The following PDE4B variants were observed in gnomAD, a reference collection of about 807,000 sequenced individuals.
PDE4B encodes the protein phosphodiesterase 4B, also known as 3',5'-cyclic-AMP phosphodiesterase 4B.
In PDE4B, 20 loss-of-function variants were observed where a neutral mutation model predicts 82.2. That is an observed-to-expected ratio of 0.24 (90% CI 0.17 to 0.35). PDE4B has a LOEUF of 0.35. Among genes scored for constraint, PDE4B ranks in the 10% least tolerant of loss-of-function variants. The pLI is 1.00. For synonymous variants in PDE4B, 320 were observed against 318.9 expected, an observed-to-expected ratio of 1.00 and a Z score of -0.04; for missense variants, 655 against 907.2, an observed-to-expected ratio of 0.72 and a Z score of 3.57.
intron 3 of PDE4B, among the ~76,000 whole-genome samples, chr1:65,960,707 A>G (rs757079992): frequency 3.9e-5 from 6 of 152,168 alleles, no homozygotes; most frequent in Admixed American, 2.0e-4. Flanking sequence ...CGTTGTGTCA[A>G]GGGCACCAGT....
chr1:66,316,064 C>T (rs964677062), intron 7 of PDE4B, among the ~76,000 whole-genome samples: 1 of 152,208 alleles, frequency 6.6e-6, no homozygotes, highest in African/African-American at 2.4e-5. Flanking sequence ...CAAACTACAA[C>T]TATTTGAAAT....
chr1:66,120,163 C>T (rs1333845379), intron 3 of PDE4B, among the ~76,000 whole-genome samples: 1 of 152,172 alleles, frequency 6.6e-6, no homozygotes, highest in Non-Finnish European at 1.5e-5. Context: ...CTCCAAATGT[C>T]AGCTCCTTGT....
At chr1:66,079,678 T>G (rs1484271917) in intron 3 of PDE4B, among the ~76,000 whole-genome samples, 1 of 152,160 alleles carries the variant, frequency 6.6e-6, no homozygotes, top group Non-Finnish European at 1.5e-5. Flanking sequence ...AGCTAATGGC[T>G]CTTTGATATT....
chr1:65,981,675 C>T lies in PDE4B; in HGVS notation c.281+62840C>T, dbSNP rs188790245. ...ATCTAATGTTTCTGTAATTCAGTTT[C>T]TTTATCCGTAAAGTGTAGATTATAC... On this transcript the variant is annotated intron_variant, in intron 3 of 16. Transcript: ENST00000341517. 8.1e-4 allele frequency among the ~76,000 whole-genome samples: 123 copies of T among 151,614 alleles called. 1 individual carries two copies. Among genetic ancestry groups the T allele is most frequent in the African/African-American group, 2.7e-3 (110 of 41,330 alleles).
intron 3 of PDE4B, among the ~76,000 whole-genome samples, chr1:66,011,829 T>A (rs1652503436): frequency 6.6e-6 from 1 of 152,070 alleles, no homozygotes; most frequent in African/African-American, 2.4e-5. Context: ...TGTCAGACAA[T>A]TAGGATATTT....
At chr1:65,895,823 C>G (rs1646903240) in intron 1 of PDE4B, among the ~76,000 whole-genome samples, 1 of 149,232 alleles carries the variant, frequency 6.7e-6, no homozygotes, top group African/African-American at 2.4e-5. Flanking sequence ...AGAATAAAGG[C>G]AATTTTCTCT....
intron 3 of PDE4B, among the ~76,000 whole-genome samples, chr1:66,126,161 T>A (rs183276954): frequency 4.5e-4 from 68 of 152,330 alleles, no homozygotes; most frequent in African/African-American, 1.2e-3. Flanking sequence ...AGGTGGCTGA[T>A]CTCAAGGAGC....
intron 3 of PDE4B, among the ~76,000 whole-genome samples, chr1:66,169,502 C>CT (rs1646798650): frequency 6.6e-6 from 1 of 152,106 alleles, no homozygotes; most frequent in Admixed American, 6.6e-5. Flanking sequence ...GGGTTTTCGC[C>CT]TTTGTTGTGG....
At chr1:66,274,744 T>C (rs760651704) in intron 7 of PDE4B, among the ~76,000 whole-genome samples, 4 of 152,154 alleles carry the variant, frequency 2.6e-5, no homozygotes, top group Non-Finnish European at 5.9e-5. Flanking sequence ...AGTGTTAGTA[T>C]TGGTGTTATT....
intron 1 of PDE4B, among the ~76,000 whole-genome samples, chr1:65,803,821 C>A (rs1215255310): frequency 1.3e-5 from 2 of 152,108 alleles, no homozygotes; most frequent in African/African-American, 4.8e-5. Flanking sequence ...TTTTTGTCAG[C>A]CCTTTGGACG....
At chr1:66,016,884 C>T (rs774027499) in intron 3 of PDE4B, among the ~76,000 whole-genome samples, 1 of 152,134 alleles carries the variant, frequency 6.6e-6, no homozygotes, top group Non-Finnish European at 1.5e-5. Context: ...CCAAGTCAGA[C>T]TTGTGTTGGA....
intron 3 of PDE4B, among the ~76,000 whole-genome samples, chr1:66,227,212 G>A (rs1432246791): frequency 6.6e-6 from 1 of 152,204 alleles, no homozygotes; most frequent in African/African-American, 2.4e-5. Context: ...CTGGATATAT[G>A]AGTCACTGCA....
rs1173193980 is a variant in PDE4B, at chr1:66,331,022, G to A, written c.635-1486G>A. On this transcript the variant is annotated intron_variant, in intron 7 of 16. Transcript: ENST00000341517. ...TTATCTTGAAGTGTATGAATATTTCGGGGATAAACAAAGCAACTATTCTTT... is the reference window on the plus strand; with the variant it reads ...TTATCTTGAAGTGTATGAATATTTCAGGGATAAACAAAGCAACTATTCTTT... Among the ~76,000 whole-genome samples the A allele has an allele frequency of 4.6e-5, 7 of 152,188 alleles. No individual in the cohort carries two copies. In the South Asian group the frequency reaches 1.2e-3, roughly 27 times the overall value.
intron 8 of PDE4B, among the ~76,000 whole-genome samples, chr1:66,333,340 A>T (rs1250990431): frequency 6.6e-6 from 1 of 152,210 alleles, no homozygotes; most frequent in Non-Finnish European, 1.5e-5. Context: ...TTGTTTAATT[A>T]ACACCTGGAC....
At position 66,019,058 on chromosome 1, in the gene PDE4B, C is replaced by A. The variant is rs1468039893; in HGVS notation, c.281+100223C>A. Among the ~76,000 whole-genome samples the A allele has an allele frequency of 3.3e-5, 5 of 152,200 alleles. No individual in the cohort carries two copies. In the East Asian group the frequency reaches 9.7e-4, roughly 29 times the overall value. ...TTACCGTTTTCACATTTAAATTCAT[C>A]CTGATATGATGACATATAGTTTTAA... On this transcript the variant is annotated intron_variant, in intron 3 of 16. Coordinates refer to ENST00000341517, the MANE Select transcript of PDE4B (RefSeq NM_002600.4).
intron 3 of PDE4B, among the ~76,000 whole-genome samples, chr1:66,111,731 A>G (rs918818335): frequency 6.6e-6 from 1 of 152,116 alleles, no homozygotes; most frequent in Admixed American, 6.6e-5. Flanking sequence ...CTCACTGGCC[A>G]TGGATCTATC....
intron 7 of PDE4B, among the ~76,000 whole-genome samples, chr1:66,295,626 A>G (rs1657455306): frequency 6.6e-6 from 1 of 152,088 alleles, no homozygotes; most frequent in Admixed American, 6.6e-5. Flanking sequence ...ACAGGGTTTC[A>G]CCATGTTGGC....
chr1:66,197,981 A>G (rs1648481342), intron 3 of PDE4B, among the ~76,000 whole-genome samples: 1 of 152,188 alleles, frequency 6.6e-6, no homozygotes. Flanking sequence ...CAAGGAAATC[A>G]CACTGCTTTT....
chr1:66,272,505 C>A (rs1326846782), intron 7 of PDE4B, among the ~76,000 whole-genome samples: 2 of 152,100 alleles, frequency 1.3e-5, no homozygotes, highest in African/African-American at 2.4e-5. Context: ...ATCTGGAGAC[C>A]CAAATTCATT....
Sources: allele counts gnomAD v4.1 joint callset (sites outside exome capture counted in the v4.1 genomes callset), GRCh38; gene constraint gnomAD v4.1.1; transcripts MANE v1.5; gene names NCBI Gene and HGNC (gene_info 2026-07-23, HGNC 2026-07-21).